Variants in ANKS1B observed in about 807,000 individuals in gnomAD.
ANKS1B encodes ankyrin repeat and sterile alpha motif domain containing 1B.
ANKS1B carries 36 observed loss-of-function variants against 148.3 expected under a neutral mutation model. That is an observed-to-expected ratio of 0.24 (90% CI 0.19 to 0.32). The LOEUF (loss-of-function observed/expected upper bound fraction) is 0.32. Among genes scored for constraint, ANKS1B ranks in the 10% least tolerant of loss-of-function variants. The pLI is 1.00. For synonymous variants in ANKS1B, 542 were observed against 560.8 expected (o/e 0.97, Z 0.47); for missense variants, 1,157 against 1,542.6 (o/e 0.75, Z 4.19).
At chr12:98,888,517 T>C (rs554515532) in intron 17 of ANKS1B, among the ~76,000 whole-genome samples, 2 of 152,348 alleles carry the variant, frequency 1.3e-5, no homozygotes, top group East Asian at 3.9e-4. Context: ...TGCTTCATAT[T>C]GTCTTTAGAA....
chr12:98,780,817 T>C (rs1474725718), intron 24 of ANKS1B, among the ~76,000 whole-genome samples: 1 of 152,176 alleles, frequency 6.6e-6, no homozygotes, highest in African/African-American at 2.4e-5. Context: ...CAAAGGGACA[T>C]GCTGGATAAT....
At chr12:98,843,080 G>A (rs567899055) in intron 17 of ANKS1B, among the ~76,000 whole-genome samples, 48 of 152,202 alleles carry the variant, frequency 3.2e-4, no homozygotes, top group Non-Finnish European at 5.1e-4. Flanking sequence ...TCAAGAACCA[G>A]AGAATAAGGT....
chr12:98,862,775 C>T (rs1309114371), intron 17 of ANKS1B, among the ~76,000 whole-genome samples: 2 of 152,096 alleles, frequency 1.3e-5, no homozygotes, highest in Non-Finnish European at 2.9e-5. Context: ...CCACATGCCC[C>T]ATAAAAAAGC....
At chr12:99,730,236 G>C (rs1231694090) in intron 8 of ANKS1B, among the ~76,000 whole-genome samples, 1 of 152,216 alleles carries the variant, frequency 6.6e-6, no homozygotes, top group East Asian at 1.9e-4. Context: ...CTGTTGAGGA[G>C]CTCTGACCAC....
intron 14 of ANKS1B, among the ~76,000 whole-genome samples, chr12:99,213,011 G>A (rs747521034): frequency 6.6e-6 from 1 of 152,214 alleles, no homozygotes; most frequent in Non-Finnish European, 1.5e-5. Flanking sequence ...ACCTAGGTCA[G>A]TCTGGCTCCA....
chr12:99,257,446 T>C (rs918636907), intron 12 of ANKS1B, among the ~76,000 whole-genome samples: 1 of 152,198 alleles, frequency 6.6e-6, no homozygotes, highest in Admixed American at 6.5e-5. Flanking sequence ...CCTATTCATT[T>C]AGGATTTTAA....
intron 12 of ANKS1B, among the ~76,000 whole-genome samples, chr12:99,361,944 A>G (rs758823791): frequency 6.6e-6 from 1 of 152,106 alleles, no homozygotes; most frequent in African/African-American, 2.4e-5. Flanking sequence ...GAAAGCATCT[A>G]TGGAAATTCC....
At chr12:99,692,156 G>A (rs2098682739) in intron 8 of ANKS1B, among the ~76,000 whole-genome samples, 1 of 152,130 alleles carries the variant, frequency 6.6e-6, no homozygotes, top group Non-Finnish European at 1.5e-5. Context: ...GAACCTGATT[G>A]GCAATTTTTA....
At chr12:99,282,861 G>T (rs1249283353) in intron 12 of ANKS1B, among the ~76,000 whole-genome samples, 2 of 152,114 alleles carry the variant, frequency 1.3e-5, no homozygotes, top group African/African-American at 4.8e-5. Flanking sequence ...AGGTCAAATA[G>T]TCAAGTAGGC....
intron 16 of ANKS1B, among the ~76,000 whole-genome samples, chr12:99,082,947 C>T (rs1565956053): frequency 6.6e-6 from 1 of 152,024 alleles, no homozygotes; most frequent in East Asian, 1.9e-4. Flanking sequence ...AAAGTGAGAA[C>T]AACAAAACTT....
chr12:99,884,942 AAGAC>A (rs1263852263), intron 1 of ANKS1B, among the ~76,000 whole-genome samples: 2 of 152,098 alleles, frequency 1.3e-5, no homozygotes, highest in South Asian at 2.1e-4. Context: ...AAAAAAAACA[AAGAC>A]AGCAACAACT....
At chr12:99,751,187 T>A (rs2061075311) in intron 8 of ANKS1B, among the ~76,000 whole-genome samples, 1 of 152,084 alleles carries the variant, frequency 6.6e-6, no homozygotes, top group South Asian at 2.1e-4. Flanking sequence ...TAATTAAACT[T>A]ATTCATGGCT....
intron 10 of ANKS1B, among the ~76,000 whole-genome samples, chr12:99,471,805 T>G (rs1203162144): frequency 6.6e-6 from 1 of 152,152 alleles, no homozygotes; most frequent in Non-Finnish European, 1.5e-5. Context: ...CAGGTTTTCC[T>G]ATAATCTGTG....
At chr12:99,951,702 T>A (rs1181080975) in intron 1 of ANKS1B, among the ~76,000 whole-genome samples, 5 of 142,734 alleles carry the variant, frequency 3.5e-5, no homozygotes, top group African/African-American at 1.4e-4. Flanking sequence ...TAGCAAGACC[T>A]TGCCTCTACC....
Position 99,504,252 on chromosome 12 carries a change from C to A in ANKS1B, c.1438+224G>T, listed in dbSNP as rs1187886809. ...AGGTTTCAAAGCATCTTCATCAAAG[C>A]ATTACCATGTCCATTATGGCTTTTA... On this transcript the variant is annotated intron_variant, in intron 10 of 26. Coordinates refer to ENST00000683438, the MANE Select transcript of ANKS1B (RefSeq NM_001352186.2). 2.6e-5 allele frequency among the ~76,000 whole-genome samples: 4 copies of A among 152,226 alleles called. No homozygotes were observed. In the East Asian group the frequency reaches 7.7e-4, roughly 29 times the overall value.
At chr12:99,637,750 G>A (rs373858467) in intron 9 of ANKS1B, among the ~76,000 whole-genome samples, 11 of 150,572 alleles carry the variant, frequency 7.3e-5, no homozygotes, top group Non-Finnish European at 1.0e-4. Flanking sequence ...GTGGGGCCTT[G>A]TGATCATGTG....
At chr12:99,374,219 ATGT>A (rs2093285975) in intron 12 of ANKS1B, among the ~76,000 whole-genome samples, 1 of 152,200 alleles carries the variant, frequency 6.6e-6, no homozygotes, top group Admixed American at 6.5e-5. Context: ...CCCTTGAATA[ATGT>A]TGTTTCATTC....
intron 17 of ANKS1B, among the ~76,000 whole-genome samples, chr12:98,923,037 T>C (rs1250555405): frequency 1.3e-5 from 2 of 151,966 alleles, no homozygotes; most frequent in African/African-American, 4.8e-5. Flanking sequence ...AGTGTGGCAG[T>C]GTGGGGAGAT....
chr12:99,498,211 C>T (rs2096622349), intron 10 of ANKS1B, among the ~76,000 whole-genome samples: 1 of 152,204 alleles, frequency 6.6e-6, no homozygotes, highest in Non-Finnish European at 1.5e-5. Context: ...AATCTATACT[C>T]TATACTCCAC....
Sources: gnomAD v4.1 joint callset for allele counts (sites outside exome capture counted in the v4.1 genomes callset) on GRCh38, gnomAD v4.1.1 for gene constraint, MANE v1.5 for transcripts, NCBI Gene and HGNC (gene_info 2026-07-23, HGNC 2026-07-21) for gene names.